The following CTNNA3 variants were observed in gnomAD, a reference collection of about 807,000 sequenced individuals.
CTNNA3 encodes catenin alpha-3.
A neutral mutation model predicts 95.7 loss-of-function variants in CTNNA3; 76 were observed. The ratio of observed to expected loss-of-function variants is 0.79; its 90% CI spans 0.66 to 0.96. CTNNA3 has a LOEUF of 0.96. CTNNA3 is among the 40% of genes least tolerant of loss of function. The probability of loss-of-function intolerance (pLI) is 0.00; values close to 1 mark genes in which losing one functional copy is unlikely to be tolerated. For synonymous variants in CTNNA3, 431 were observed against 374.4 expected (o/e 1.15, Z -1.74); for missense variants, 1,191 against 1,089.8 (o/e 1.09, Z -1.31).
intron 12 of CTNNA3, among the ~76,000 whole-genome samples, chr10:66,307,158 T>C (rs895015055): frequency 1.3e-5 from 2 of 152,194 alleles, no homozygotes; most frequent in African/African-American, 2.4e-5. Context: ...GAAGCAAGAA[T>C]AGTTTCTGTT....
intron 13 of CTNNA3, among the ~76,000 whole-genome samples, chr10:66,246,646 C>A (rs933514501): frequency 1.3e-5 from 2 of 151,608 alleles, no homozygotes; most frequent in African/African-American, 2.4e-5. Context: ...ATGATTTTAA[C>A]AGAGACTGAA....
chr10:66,769,865 C>CGCTTTTCA (rs202048034), intron 8 of CTNNA3, among the ~76,000 whole-genome samples: 1,688 of 152,282 alleles, frequency 0.011, 14 homozygotes, highest in Non-Finnish European at 0.017. Context: ...TTCCCTGCCT[C>CGCTTTTCA]GCTTTTCATG....
At chr10:67,050,463 A>G (rs897309087) in intron 7 of CTNNA3, among the ~76,000 whole-genome samples, 1 of 152,220 alleles carries the variant, frequency 6.6e-6, no homozygotes, top group Non-Finnish European at 1.5e-5. Flanking sequence ...AAAAGTACCC[A>G]TTCAGCTTAG....
At chr10:66,778,937 C>G (rs1196318831) in intron 7 of CTNNA3, among the ~76,000 whole-genome samples, 5 of 152,038 alleles carry the variant, frequency 3.3e-5, no homozygotes, top group South Asian at 4.1e-4. Context: ...GATCGCGCCA[C>G]TGCACTCCAG....
At chr10:66,648,702 C>G (rs927526126) in intron 9 of CTNNA3, among the ~76,000 whole-genome samples, 4 of 151,776 alleles carry the variant, frequency 2.6e-5, no homozygotes, top group East Asian at 1.9e-4. Flanking sequence ...GTTTGGGAAA[C>G]CAGATGAACA....
intron 12 of CTNNA3, among the ~76,000 whole-genome samples, chr10:66,282,142 A>G (rs1040206141): frequency 2.6e-5 from 4 of 151,788 alleles, no homozygotes; most frequent in Non-Finnish European, 5.9e-5. Context: ...GGGTCATACC[A>G]CTTTGCACTG....
At chr10:67,236,413 A>G (rs1303360564) in intron 5 of CTNNA3, among the ~76,000 whole-genome samples, 4 of 148,138 alleles carry the variant, frequency 2.7e-5, no homozygotes, top group South Asian at 2.2e-4. Flanking sequence ...TCGCAAGAAG[A>G]AAAAACAAAA....
intron 7 of CTNNA3, among the ~76,000 whole-genome samples, chr10:66,915,581 A>C (rs1846445583): frequency 6.6e-6 from 1 of 151,846 alleles, no homozygotes; most frequent in Admixed American, 6.6e-5. Flanking sequence ...GTTCTGGAAA[A>C]TGGTGAAGTA....
intron 5 of CTNNA3, among the ~76,000 whole-genome samples, chr10:67,251,335 G>A (rs1318165076): frequency 6.6e-6 from 1 of 152,142 alleles, no homozygotes; most frequent in Non-Finnish European, 1.5e-5. Flanking sequence ...TTGGGGGCAG[G>A]AGTGACTGCT....
chr10:67,656,350 T>C (rs1392249445), intron 1 of CTNNA3, among the ~76,000 whole-genome samples: 1 of 152,182 alleles, frequency 6.6e-6, no homozygotes, highest in East Asian at 1.9e-4. Context: ...CAATAATCTA[T>C]ATAAACTCTC....
At chr10:67,260,796 C>A (rs574463888) in intron 5 of CTNNA3, among the ~76,000 whole-genome samples, 42 of 151,916 alleles carry the variant, frequency 2.8e-4, no homozygotes, top group Non-Finnish European at 4.4e-5. Context: ...GCGATTCTCT[C>A]GCCTCAGCCT....
rs189603686 is a variant in CTNNA3, at chr10:65,960,311, T to A, written c.2400+6301A>T. Reference sequence around the variant, plus strand: ...CAGCACTTTGGGAGGCCGAGGTGGGTGGATCACAAGGTCAGGAGGTCGAGA... The same window carrying A: ...CAGCACTTTGGGAGGCCGAGGTGGGAGGATCACAAGGTCAGGAGGTCGAGA... On this transcript the variant is annotated intron_variant, in intron 17 of 17. Transcript: ENST00000433211. 2.2e-3 allele frequency among the ~76,000 whole-genome samples: 329 copies of A among 151,650 alleles called. 1 individual carries two copies. The highest frequency in any genetic ancestry group is 7.6e-3 in the African/African-American group (316 of 41,320).
intron 11 of CTNNA3, among the ~76,000 whole-genome samples, chr10:66,444,739 A>G (rs769837697): frequency 6.6e-6 from 1 of 152,214 alleles, no homozygotes; most frequent in Non-Finnish European, 1.5e-5. Context: ...TGTAAAGACC[A>G]TCAAGGCTAG....
chr10:66,360,535 T>A (rs1441287992), intron 12 of CTNNA3, among the ~76,000 whole-genome samples: 2 of 152,162 alleles, frequency 1.3e-5, no homozygotes, highest in Non-Finnish European at 1.5e-5. Flanking sequence ...TTTGGACCAG[T>A]ATGTGCTTTC....
intron 12 of CTNNA3, among the ~76,000 whole-genome samples, chr10:66,314,963 A>C (rs2092079018): frequency 6.6e-6 from 1 of 152,114 alleles, no homozygotes; most frequent in African/African-American, 2.4e-5. Context: ...CTTAGAAAGA[A>C]ACTTACGATG....
intron 12 of CTNNA3, among the ~76,000 whole-genome samples, chr10:66,297,858 G>T (rs536914140): frequency 6.6e-6 from 1 of 152,246 alleles, no homozygotes; most frequent in African/African-American, 2.4e-5. Flanking sequence ...GGGCACTTAC[G>T]TCCAGCTTGC....
At chr10:67,376,971 C>T (rs564758460) in intron 5 of CTNNA3, among the ~76,000 whole-genome samples, 3 of 152,256 alleles carry the variant, frequency 2.0e-5, no homozygotes, top group African/African-American at 4.8e-5. Flanking sequence ...ATCTGCTCAG[C>T]GCCATCCAAG....
chr10:67,504,223 C>T (rs752098668), intron 5 of CTNNA3, among the ~76,000 whole-genome samples: 6 of 149,300 alleles, frequency 4.0e-5, no homozygotes, highest in South Asian at 2.1e-4. Context: ...GAGGCTGAGG[C>T]GGGTGGATCA....
chr10:66,685,275 G>A (rs1227732860), intron 9 of CTNNA3, among the ~76,000 whole-genome samples: 10 of 57,614 alleles, frequency 1.7e-4, no homozygotes, highest in South Asian at 5.6e-4. Flanking sequence ...GTATATATAC[G>A]TATATATAAG....
Sources: allele counts gnomAD v4.1 joint callset (sites outside exome capture counted in the v4.1 genomes callset), GRCh38; gene constraint gnomAD v4.1.1; transcripts MANE v1.5; gene names NCBI Gene and HGNC (gene_info 2026-07-23, HGNC 2026-07-21).